The following MYOM1 variants were observed in gnomAD, a reference collection of about 807,000 sequenced individuals.
The protein encoded by MYOM1 is myomesin 1, also known as myomesin-1.
MYOM1 carries 164 observed loss-of-function variants against 205.3 expected under a neutral mutation model. The ratio of observed to expected loss-of-function variants is 0.80; its 90% CI spans 0.70 to 0.91. MYOM1 has a LOEUF of 0.91. Ranked by LOEUF, MYOM1 falls within the 40% of genes least tolerant of loss-of-function variation. MYOM1 has a pLI of 0.00. For synonymous variants in MYOM1, 772 were observed against 789.4 expected, an observed-to-expected ratio of 0.98 and a Z score of 0.37; for missense variants, 2,011 against 2,127.3, an observed-to-expected ratio of 0.95 and a Z score of 1.08.
intron 30 of MYOM1, 91 bp from the exon 31 acceptor site, chr18:3,085,223 C>G (rs1268332785): frequency 1.7e-5 from 4 of 231,912 alleles, no homozygotes; most frequent in Non-Finnish European, 1.5e-5. Flanking sequence ...TCTTCTGCTG[C>G]TGCTGCTTTT....
chr18:3,067,391 T>C lies in MYOM1; in HGVS notation c.4929A>G (p.Lys1643=), dbSNP rs758804844. 5.8e-5 allele frequency: 93 copies of C among 1,613,230 alleles called. No homozygotes were observed. Among genetic ancestry groups the C allele is most frequent in the Non-Finnish European group, 6.3e-5 (74 of 1,179,918 alleles). ...ACTTGTTCTTCACAACCAGCCCGTA[T>C]TTGCCCGAGTCAGCGGTGCTCACGC... ...INGVSTADSG[K]YGLVVKNKYG... Residue 1643 remains lysine (K), a synonymous_variant, in exon 38 of 38, where the codon AAA becomes AAG. Coordinates refer to ENST00000356443, the MANE Select transcript of MYOM1 (RefSeq NM_003803.4).
intron 5 of MYOM1, 23 bp downstream of exon 5, chr18:3,187,457 T>C (rs367644588): frequency 1.2e-6 from 2 of 1,607,636 alleles, no homozygotes; most frequent in Non-Finnish European, 1.7e-6. Context: ...TGAATTCTGT[T>C]AGCTTTCATA....
upstream of MYOM1, among the ~76,000 whole-genome samples, chr18:3,223,730 C>T (rs955649664): frequency 5.3e-5 from 8 of 152,200 alleles, no homozygotes; most frequent in South Asian, 4.1e-4. Context: ...CAAATCATCC[C>T]TGATCCAAAA....
At chr18:3,183,229 T>C (rs780176671) in intron 5 of MYOM1, among the ~76,000 whole-genome samples, 30 of 152,184 alleles carry the variant, frequency 2.0e-4, no homozygotes, top group Non-Finnish European at 3.4e-4. Context: ...ACGCCCGGCC[T>C]GTAACTAACT....
At chr18:3,107,152 C>T (rs1455523919) in intron 22 of MYOM1, among the ~76,000 whole-genome samples, 2 of 152,120 alleles carry the variant, frequency 1.3e-5, no homozygotes, top group African/African-American at 2.4e-5. Context: ...GAGTCTCACT[C>T]TGTTGCCCAG....
chr18:3,186,802 G>GAAAGAAAGAA (rs1555628121), intron 5 of MYOM1, among the ~76,000 whole-genome samples: 3 of 138,788 alleles, frequency 2.2e-5, no homozygotes, highest in Non-Finnish European at 4.6e-5. Flanking sequence ...AAGAAAGAAA[G>GAAAGAAAGAA]AGAAAGAAAG....
intron 14 of MYOM1, among the ~76,000 whole-genome samples, chr18:3,141,156 T>C (rs1339024968): frequency 6.6e-6 from 1 of 152,168 alleles, no homozygotes; most frequent in East Asian, 1.9e-4. Flanking sequence ...GGCTCTCCTA[T>C]TTCTACACTT....
chr18:3,132,096 AATT>A (rs145873623), intron 16 of MYOM1, among the ~76,000 whole-genome samples: 1,483 of 125,528 alleles, frequency 0.012, 11 homozygotes, highest in Middle Eastern at 0.024. Context: ...TATACTCTAA[AATT>A]ATTATTATAT....
intron 22 of MYOM1, among the ~76,000 whole-genome samples, chr18:3,106,104 T>C (rs1040878740): frequency 3.3e-5 from 5 of 152,132 alleles, no homozygotes; most frequent in African/African-American, 4.8e-5. Flanking sequence ...TTACATCATA[T>C]TAGGTATTGT....
intron 37 of MYOM1, among the ~76,000 whole-genome samples, chr18:3,069,231 T>C (rs541832310): frequency 2.0e-5 from 3 of 152,354 alleles, no homozygotes; most frequent in African/African-American, 7.2e-5. Context: ...GCTACTATTC[T>C]TTATTACAGC....
chr18:3,129,111 A>G (rs932451777), intron 18 of MYOM1, 121 bp downstream of exon 18: 19 of 1,274,048 alleles, frequency 1.5e-5, no homozygotes, highest in Non-Finnish European at 2.0e-5. Flanking sequence ...CTAGCTGAAA[A>G]CACATACAAT....
In MYOM1 at chr18:3,079,214, G is replaced by A; in HGVS notation, c.4613C>T (p.Thr1538Ile). The change falls in exon 34 of 38, where the codon ACT (threonine) becomes ATT (isoleucine). Residue 1538 changes from threonine (T) to isoleucine (I), a missense_variant. Thr to Ile is a moderately conservative substitution (Grantham distance 89, BLOSUM62 -1). Transcript: ENST00000356443. ...KYVMELFDGK[T>I]GHQKTVDLSG... ...GAGATCCACTGTCTTCTGATGTCCA[G>A]TTTTGCCATCAAAGAGCTCCATGAC... 6.2e-7 allele frequency: 1 copy of A among 1,613,850 alleles called. No homozygotes were observed. The highest frequency in any genetic ancestry group is 8.5e-7 in the Non-Finnish European group (1 of 1,179,850).
intron 14 of MYOM1, among the ~76,000 whole-genome samples, chr18:3,141,483 C>T (rs532200886): frequency 3.0e-4 from 45 of 152,198 alleles, no homozygotes; most frequent in Admixed American, 1.1e-3. Context: ...CTGTCTTCCA[C>T]ACTCCCGGCC....
the MYOM1 span, among the ~76,000 whole-genome samples, chr18:3,243,606 T>C: frequency 3.9e-5 from 6 of 152,162 alleles, no homozygotes; most frequent in African/African-American, 1.4e-4. Flanking sequence ...ATATTAGGCA[T>C]TGTATTAGGA....
At chr18:3,109,718 A>G (rs914486561) in intron 22 of MYOM1, among the ~76,000 whole-genome samples, 1 of 152,232 alleles carries the variant, frequency 6.6e-6, no homozygotes, top group East Asian at 1.9e-4. Context: ...ACCTAAGCGA[A>G]TCCTTAATAC....
chr18:3,129,210 G>A (rs747344381), intron 18 of MYOM1, 22 bp downstream of exon 18: 2 of 1,607,026 alleles, frequency 1.2e-6, no homozygotes, highest in Non-Finnish European at 1.7e-6. Flanking sequence ...GGATGGAACA[G>A]CTTCCCTTTC....
At chr18:3,171,230 CCTCTTTGGAAGCACAT>C (rs2080552296) in intron 8 of MYOM1, among the ~76,000 whole-genome samples, 1 of 152,156 alleles carries the variant, frequency 6.6e-6, no homozygotes. Flanking sequence ...AGTGAAGTAA[CCTCTTTGGAAGCACAT>C]CTCCCATCTG....
At chr18:3,186,633 G>T (rs2080813879) in intron 5 of MYOM1, among the ~76,000 whole-genome samples, 1 of 152,080 alleles carries the variant, frequency 6.6e-6, no homozygotes, top group African/African-American at 2.4e-5. Flanking sequence ...CCCATATTGG[G>T]TAATATCTGC....
intron 19 of MYOM1, among the ~76,000 whole-genome samples, chr18:3,126,008 C>A (rs1054494292): frequency 1.2e-4 from 18 of 152,040 alleles, no homozygotes; most frequent in African/African-American, 4.3e-4. Context: ...GTGGCTCATG[C>A]CTATAATCCC....
Sources: allele counts gnomAD v4.1 joint callset (sites outside exome capture counted in the v4.1 genomes callset), GRCh38; gene constraint gnomAD v4.1.1; transcripts MANE v1.5; gene names NCBI Gene and HGNC (gene_info 2026-07-23, HGNC 2026-07-21).